Variants in GPD2 observed in about 807,000 individuals in gnomAD.
GPD2 encodes the protein glycerol-3-phosphate dehydrogenase, mitochondrial.
Under a neutral mutation model 82.4 loss-of-function variants are expected in GPD2, and 54 were observed. The observed-to-expected ratio is 0.66, with a 90% confidence interval of 0.53 to 0.82. The LOEUF is 0.82. Ranked by LOEUF, GPD2 falls within the 40% of genes least tolerant of loss-of-function variation. The probability of loss-of-function intolerance (pLI) is 0.00; values close to 1 mark genes in which losing one functional copy is unlikely to be tolerated. For synonymous variants in GPD2, 288 were observed against 306.1 expected (o/e 0.94, Z 0.62); for missense variants, 748 against 896.2 (o/e 0.83, Z 2.11).
At chr2:156,553,998 C>A (rs573908938) in intron 8 of GPD2, among the ~76,000 whole-genome samples, 1 of 152,106 alleles carries the variant, frequency 6.6e-6, no homozygotes, top group Non-Finnish European at 1.5e-5. Context: ...CACTACACAT[C>A]CTGTTGGAAG....
the GPD2 span, among the ~76,000 whole-genome samples, chr2:156,414,834 AAATAAC>A: frequency 6.6e-6 from 1 of 152,200 alleles, no homozygotes; most frequent in East Asian, 1.9e-4. Context: ...TAAATATTCT[AAATAAC>A]AATAACAGCT....
At chr2:156,401,810 A>G in the GPD2 span, among the ~76,000 whole-genome samples, 3 of 152,172 alleles carry the variant, frequency 2.0e-5, no homozygotes. Flanking sequence ...CTTCACCCTT[A>G]GTTTCCAAGG....
chr2:156,518,113 C>A (rs2105282512), intron 6 of GPD2, among the ~76,000 whole-genome samples: 1 of 152,188 alleles, frequency 6.6e-6, no homozygotes, highest in Middle Eastern at 3.4e-3. Context: ...GAATTAAAGC[C>A]CAGGTTTCAC....
chr2:156,549,897 A>G (rs951736793), intron 7 of GPD2, 125 bp downstream of exon 7: 5 of 817,898 alleles, frequency 6.1e-6, no homozygotes, highest in Non-Finnish European at 1.0e-5. Context: ...TATTAATTAT[A>G]TTCGTTATTG....
chr2:156,528,424 T>G (rs1333696197), intron 6 of GPD2, among the ~76,000 whole-genome samples: 1 of 150,118 alleles, frequency 6.7e-6, no homozygotes, highest in Non-Finnish European at 1.5e-5. Flanking sequence ...TTTTCTTTTA[T>G]TTATTTATTT....
At chr2:156,403,744 C>A in the GPD2 span, among the ~76,000 whole-genome samples, 7 of 152,034 alleles carry the variant, frequency 4.6e-5, no homozygotes, top group African/African-American at 7.3e-5. Context: ...GGTTAACTTG[C>A]CTCTTTTTCT....
intron 16 of GPD2, among the ~76,000 whole-genome samples, chr2:156,581,670 A>G (rs1688029747): frequency 6.6e-6 from 1 of 152,042 alleles, no homozygotes; most frequent in Non-Finnish European, 1.5e-5. Flanking sequence ...ATTAATCTTC[A>G]CAGAAGGATC....
At chr2:156,409,950 G>C in the GPD2 span, among the ~76,000 whole-genome samples, 1 of 152,066 alleles carries the variant, frequency 6.6e-6, no homozygotes, top group Non-Finnish European at 1.5e-5. Context: ...GGTGTGTTGA[G>C]GCAGAGGATC....
intron 6 of GPD2, among the ~76,000 whole-genome samples, chr2:156,528,343 T>G (rs1043972871): frequency 6.6e-6 from 1 of 151,972 alleles, no homozygotes; most frequent in Non-Finnish European, 1.5e-5. Context: ...ATTGGTATTT[T>G]CATTATCCTT....
At chr2:156,452,244 C>G (rs930090548) in intron 1 of GPD2, among the ~76,000 whole-genome samples, 1 of 152,258 alleles carries the variant, frequency 6.6e-6, no homozygotes, top group African/African-American at 2.4e-5. Flanking sequence ...ATCACGCCAC[C>G]TCACTCCAGC....
intron 2 of GPD2, among the ~76,000 whole-genome samples, chr2:156,477,373 A>C (rs1326921727): frequency 2.6e-5 from 4 of 152,182 alleles, no homozygotes; most frequent in African/African-American, 9.7e-5. Context: ...TGGAGGCTGT[A>C]GTGAGCTGAG....
intron 8 of GPD2, among the ~76,000 whole-genome samples, chr2:156,556,274 A>G (rs898715716): frequency 1.3e-5 from 2 of 152,204 alleles, no homozygotes; most frequent in Admixed American, 1.3e-4. Context: ...TAACATTAAT[A>G]GAAGCTAAAA....
At chr2:156,428,735 C>A in the GPD2 span, among the ~76,000 whole-genome samples, 1 of 152,186 alleles carries the variant, frequency 6.6e-6, no homozygotes, top group Non-Finnish European at 1.5e-5. Context: ...TTCTACTTTA[C>A]GCCTCCCTAA....
intron 6 of GPD2, 55 bp downstream of exon 6, chr2:156,513,551 C>A: frequency 1.5e-6 from 2 of 1,334,706 alleles, no homozygotes; most frequent in Non-Finnish European, 2.2e-6. Context: ...TCACTCATGA[C>A]CCGTATAGTG....
At chr2:156,520,051 A>G (rs1335304290) in intron 6 of GPD2, among the ~76,000 whole-genome samples, 1 of 152,164 alleles carries the variant, frequency 6.6e-6, no homozygotes, top group Non-Finnish European at 1.5e-5. Context: ...GGTGGCCCTC[A>G]GTGGGATGGG....
chr2:156,433,559 A>G (rs1423019502), upstream of GPD2, among the ~76,000 whole-genome samples: 137 of 152,100 alleles, frequency 9.0e-4, 1 homozygote, highest in Admixed American at 8.8e-3. Context: ...CGCTCCACGA[A>G]TGCTCCGGAG....
intron 5 of GPD2, 41 bp downstream of exon 5, chr2:156,512,358 C>T (rs748685338): frequency 1.3e-5 from 12 of 926,022 alleles, no homozygotes; most frequent in Non-Finnish European, 1.8e-5. Flanking sequence ...TGCTTCTCTG[C>T]GGTCAATAGA....
At chr2:156,557,665 C>A in intron 9 of GPD2, 83 bp downstream of exon 9, 2 of 820,834 alleles carry the variant, frequency 2.4e-6, no homozygotes, top group Non-Finnish European at 4.2e-6. Flanking sequence ...AATGCTATGT[C>A]TCCAGTCTGA....
chr2:156,579,881 A>T (rs1687967393), intron 16 of GPD2, 93 bp downstream of exon 16: 3 of 738,094 alleles, frequency 4.1e-6, no homozygotes, highest in Non-Finnish European at 7.5e-6. Context: ...ATTTAAGTCC[A>T]CACAATTGTC....
Sources: gnomAD v4.1 joint callset for allele counts (sites outside exome capture counted in the v4.1 genomes callset) on GRCh38, gnomAD v4.1.1 for gene constraint, MANE v1.5 for transcripts, NCBI Gene and HGNC (gene_info 2026-07-23, HGNC 2026-07-21) for gene names.